The following MAN1C1 variants were observed in gnomAD, a reference collection of about 807,000 sequenced individuals.
The protein encoded by MAN1C1 is mannosyl-oligosaccharide 1,2-alpha-mannosidase IC.
Under a neutral mutation model 71.5 loss-of-function variants are expected in MAN1C1, and 49 were observed. That is an observed-to-expected ratio of 0.69 (90% confidence interval 0.54 to 0.87). MAN1C1 has a LOEUF of 0.87. Ranked by LOEUF, MAN1C1 falls within the 40% of genes least tolerant of loss-of-function variation. The pLI, the probability that MAN1C1 is intolerant of heterozygous loss-of-function variation, is 0.00. For synonymous variants in MAN1C1, 352 were observed against 343.7 expected, an observed-to-expected ratio of 1.02 and a Z score of -0.27; for missense variants, 743 against 835.0, an observed-to-expected ratio of 0.89 and a Z score of 1.36.
intron 2 of MAN1C1, among the ~76,000 whole-genome samples, chr1:25,694,611 T>G (rs2046347147): frequency 6.6e-6 from 1 of 152,204 alleles, no homozygotes; most frequent in South Asian, 2.1e-4. Context: ...ATTTTTACAA[T>G]TGCTTTTTGG....
chr1:25,695,852 G>A (rs1021489465), intron 2 of MAN1C1, among the ~76,000 whole-genome samples: 2 of 152,210 alleles, frequency 1.3e-5, no homozygotes, highest in Non-Finnish European at 1.5e-5. Flanking sequence ...TCTGGGCCTC[G>A]TCTCTTCATC....
rs542062954 is a variant in MAN1C1, at chr1:25,668,075, T to C, written c.541-18365T>C. Among the ~76,000 whole-genome samples the C allele has an allele frequency of 1.3e-5, 2 of 152,312 alleles. 1 individual carries two copies. The highest frequency in any genetic ancestry group is 3.9e-4 in the East Asian group (2 of 5,190). On this transcript the variant is annotated intron_variant, in intron 1 of 11. Coordinates refer to ENST00000374332, the MANE Select transcript of MAN1C1 (RefSeq NM_020379.4). ...TATCAGTGGGTTTTACAAGCTTTTCTAGCCAAGAAAAGAAAATATGTACTT... is the reference window on the plus strand; with the variant it reads ...TATCAGTGGGTTTTACAAGCTTTTCCAGCCAAGAAAAGAAAATATGTACTT...
chr1:25,777,968 C>G, intron 8 of MAN1C1, 137 bp from the exon 9 acceptor site: 2 of 647,610 alleles, frequency 3.1e-6, no homozygotes, highest in Non-Finnish European at 5.2e-6. Context: ...ATCAATGGGC[C>G]TCCTTTGCCT....
In MAN1C1 at chr1:25,618,285, A is replaced by C; in HGVS notation, c.488A>C (p.Glu163Ala). The change falls in exon 1 of 12, where the codon GAG becomes GCG. Residue 163 changes from glutamate to alanine, a missense_variant. Transcript: ENST00000374332. ...CCGGTCCTGGGAACGAGGGCCGATGAGAGTCAGGAGCCCCAGAGCCAAGTG... is the reference window on the plus strand; with the variant it reads ...CCGGTCCTGGGAACGAGGGCCGATGCGAGTCAGGAGCCCCAGAGCCAAGTG... Reference protein sequence around the residue: ...RHPVLGTRADESQEPQSQVRA... With the variant: ...RHPVLGTRADASQEPQSQVRA... The C allele has an allele frequency of 6.2e-7, 1 of 1,603,998 alleles. No individual in the cohort carries two copies. The highest frequency in any genetic ancestry group is 8.5e-7 in the Non-Finnish European group (1 of 1,176,960).
intron 2 of MAN1C1, among the ~76,000 whole-genome samples, chr1:25,744,709 T>C (rs908719466): frequency 3.9e-5 from 6 of 152,188 alleles, no homozygotes; most frequent in Non-Finnish European, 5.9e-5. Context: ...GGTGGTTAAG[T>C]GTGTGAATTT....
At chr1:25,655,794 T>G (rs1279457510) in intron 1 of MAN1C1, among the ~76,000 whole-genome samples, 1 of 152,130 alleles carries the variant, frequency 6.6e-6, no homozygotes, top group East Asian at 1.9e-4. Flanking sequence ...ATAGGAGAGT[T>G]AATAGGAGAG....
chr1:25,778,263 C>T lies in MAN1C1; in HGVS notation c.1416C>T (p.Ala472=). Residue 472 remains alanine, a synonymous_variant, in exon 9 of 12, where the codon GCC becomes GCT. Transcript: ENST00000374332. This position sits in a 1 kb window ranked among gnomAD's most constrained non-coding sequence, Gnocchi z 5.5. Reference sequence around the variant, plus strand: ...AGGATGCCAAGGAAGAAAAGAGGGCCCACTACCGAGAGCTCGCAGCCCAGA... The same window carrying T: ...AGGATGCCAAGGAAGAAAAGAGGGCTCACTACCGAGAGCTCGCAGCCCAGA... ...GAEDAKEEKR[A]HYRELAAQIT... 1 of 1,614,024 alleles carries T rather than the reference C, an allele frequency of 6.2e-7. No homozygotes were observed. Among genetic ancestry groups the T allele is most frequent in the African/African-American group, 1.3e-5 (1 of 75,034 alleles).
At chr1:25,621,414 G>A (rs1007317190) in intron 1 of MAN1C1, among the ~76,000 whole-genome samples, 1 of 152,206 alleles carries the variant, frequency 6.6e-6, no homozygotes, top group Non-Finnish European at 1.5e-5. Flanking sequence ...AGGCTTGGTA[G>A]TAGCCTTGCC....
chr1:25,776,700 T>C lies in MAN1C1; in HGVS notation c.1258-1405T>C, dbSNP rs2047623370. Among the ~76,000 whole-genome samples, 1 of 151,962 alleles carries C rather than the reference T, an allele frequency of 6.6e-6. No individual in the cohort carries two copies. Among genetic ancestry groups the C allele is most frequent in the South Asian group, 2.1e-4 (1 of 4,818 alleles). On this transcript the variant is annotated intron_variant, in intron 8 of 11. Coordinates refer to ENST00000374332, the MANE Select transcript of MAN1C1 (RefSeq NM_020379.4). The surrounding 1 kb of genome is among the most constrained non-coding windows in gnomAD (Gnocchi z 4.3). ...TAGCACAGCGCTGACACCAAGGAAA[T>C]ATTACATGGCTGCCGAGATATTGTA...
At chr1:25,761,735 G>C (rs1184555136) in intron 6 of MAN1C1, 1 of 146,072 alleles carries the variant, frequency 6.8e-6, no homozygotes, top group Non-Finnish European at 1.5e-5. Flanking sequence ...CGATTCTCCT[G>C]TCTCAGCCTC....
chr1:25,733,847 T>A (rs1470225383), intron 2 of MAN1C1, among the ~76,000 whole-genome samples: 1 of 152,028 alleles, frequency 6.6e-6, no homozygotes, highest in Non-Finnish European at 1.5e-5. Context: ...TCGCCCAGGC[T>A]GGAGTGCAGT....
chr1:25,764,514 G>A lies in MAN1C1; in HGVS notation c.1141+547G>A, dbSNP rs1366943839. ...TGCAACCTCTGCCTCCCAGGTTCAA[G>A]TGATTCTCCTGACTCAGCCACCCGA... On this transcript the variant is annotated intron_variant, in intron 7 of 11. Transcript: ENST00000374332. The surrounding 1 kb of genome is among the most constrained non-coding windows in gnomAD (Gnocchi z 4.4). Among the ~76,000 whole-genome samples the A allele has an allele frequency of 1.3e-5, 2 of 151,942 alleles. No individual in the cohort carries two copies. Among genetic ancestry groups the A allele is most frequent in the East Asian group, 3.9e-4 (2 of 5,094 alleles).
At chr1:25,709,043 G>A (rs2046567157) in intron 2 of MAN1C1, among the ~76,000 whole-genome samples, 1 of 152,164 alleles carries the variant, frequency 6.6e-6, no homozygotes, top group African/African-American at 2.4e-5. Flanking sequence ...CACAGCCGAT[G>A]CCCACCGCCA....
chr1:25,715,247 C>A (rs903395590), intron 2 of MAN1C1, among the ~76,000 whole-genome samples: 1 of 152,122 alleles, frequency 6.6e-6, no homozygotes, highest in South Asian at 2.1e-4. Flanking sequence ...ATCCCTAACT[C>A]ATCCTCATGT....
chr1:25,622,860 A>AT (rs1029750668), intron 1 of MAN1C1, among the ~76,000 whole-genome samples: 21 of 151,940 alleles, frequency 1.4e-4, no homozygotes, highest in Admixed American at 3.3e-4. Context: ...GTCATGTGTG[A>AT]TTTTTTTCTG....
Position 25,618,296 on chromosome 1 carries a change from C to CCCCAG in MAN1C1, c.500_504dup (p.Ser169ProfsTer15). 1 of 1,603,462 alleles carries CCCCAG rather than the reference C, an allele frequency of 6.2e-7. No homozygotes were observed. The highest frequency in any genetic ancestry group is 8.5e-7 in the Non-Finnish European group (1 of 1,176,768). Reference sequence around the variant, plus strand: ...AACGAGGGCCGATGAGAGTCAGGAGCCCCAGAGCCAAGTGCGAGCCCAGCG... The same window carrying CCCCAG: ...AACGAGGGCCGATGAGAGTCAGGAGCCCCAGCCCAGAGCCAAGTGCGAGCCCAGCG... On this transcript the variant is annotated frameshift_variant, in exon 1 of 12. Coordinates refer to ENST00000374332, the MANE Select transcript of MAN1C1 (RefSeq NM_020379.4). LOFTEE classifies it high-confidence loss of function.
At chr1:25,682,071 C>T (rs1018741177) in intron 1 of MAN1C1, among the ~76,000 whole-genome samples, 7 of 152,064 alleles carry the variant, frequency 4.6e-5, no homozygotes, top group Admixed American at 3.3e-4. Flanking sequence ...GGGGGTTGTA[C>T]GGATTGCTTG....
Position 25,763,972 on chromosome 1 carries a change from G to T in MAN1C1, c.1141+5G>T. 6.2e-7 allele frequency: 1 copy of T among 1,610,746 alleles called. No individual in the cohort carries two copies. Among genetic ancestry groups the T allele is most frequent in the Non-Finnish European group, 8.5e-7 (1 of 1,177,210 alleles). Reference sequence around the variant, plus strand: ...TGAGTGGGAACTGGGTGCAACGTGAGTACAGAGACGCCACTGCCCCTTATT... The same window carrying T: ...TGAGTGGGAACTGGGTGCAACGTGATTACAGAGACGCCACTGCCCCTTATT... On this transcript the variant is annotated splice_donor_5th_base_variant and intron_variant, in intron 7 of 11. Transcript: ENST00000374332.
In MAN1C1 at chr1:25,711,275, A is replaced by G. The variant is rs984732051; in HGVS notation, c.637+24739A>G. On this transcript the variant is annotated intron_variant, in intron 2 of 11. Coordinates refer to ENST00000374332, the MANE Select transcript of MAN1C1 (RefSeq NM_020379.4). The surrounding 1 kb of genome is among the most constrained non-coding windows in gnomAD (Gnocchi z 4.3). ...GCCTGGACACAAGGAGTGAAGAGAG[A>G]GACTCCATCTCTTGATGGGAACAAC... Among the ~76,000 whole-genome samples, 5 of 152,168 alleles carry G rather than the reference A, an allele frequency of 3.3e-5. No individual in the cohort carries two copies. The highest frequency in any genetic ancestry group is 1.2e-4 in the African/African-American group (5 of 41,422).
Sources: allele counts gnomAD v4.1 joint callset (sites outside exome capture counted in the v4.1 genomes callset), GRCh38; gene constraint gnomAD v4.1.1; non-coding constraint Gnocchi (gnomAD v3.1); transcripts MANE v1.5; gene names NCBI Gene and HGNC (gene_info 2026-07-23, HGNC 2026-07-21).